RETREG1: variants seen among roughly 807,000 people sequenced by gnomAD.
RETREG1 encodes the protein family with sequence similarity 134 member B.
A neutral mutation model predicts 54.8 loss-of-function variants in RETREG1; 44 were observed. That is an observed-to-expected ratio of 0.80 (90% CI 0.63 to 1.03). The LOEUF is 1.03. RETREG1 is among the 50% of genes least tolerant of loss of function. RETREG1 has a pLI of 0.00. For synonymous variants in RETREG1, 217 were observed against 238.5 expected (o/e 0.91, Z 0.83); for missense variants, 554 against 605.1 (o/e 0.92, Z 0.89).
intron 1 of RETREG1, among the ~76,000 whole-genome samples, chr5:16,610,425 C>T (rs961252357): frequency 6.6e-6 from 1 of 152,214 alleles, no homozygotes; most frequent in Admixed American, 6.5e-5. Flanking sequence ...CCATGGTCTC[C>T]AACCATGGGT....
intron 3 of RETREG1, among the ~76,000 whole-genome samples, chr5:16,541,049 C>T (rs189628274): frequency 6.6e-6 from 1 of 152,332 alleles, no homozygotes; most frequent in East Asian, 1.9e-4. Context: ...CCAGACCTTA[C>T]TCATTTCAGA....
At position 16,475,035 on chromosome 5, in the gene RETREG1, C is replaced by T; in HGVS notation, c.1200G>A (p.Leu400=). 1 of 1,613,876 alleles carries T rather than the reference C, an allele frequency of 6.2e-7. No homozygotes were observed. The stretch of plus-strand genomic sequence containing the variant: ...TCAGGTGAAAGGTTTGGTCACTGTT[C>T]AGAGGAAGGGTGAGACCAGCTGCTG... The part of the protein sequence containing the change: ...TQSAAGLTLP[L]NSDQTFHLMS... Residue 400 remains leucine, a synonymous_variant, in exon 9 of 9, where the codon CTG becomes CTA. Transcript: ENST00000306320.
chr5:16,487,758 C>A (rs989185158), intron 3 of RETREG1, among the ~76,000 whole-genome samples: 1 of 152,196 alleles, frequency 6.6e-6, no homozygotes, highest in Non-Finnish European at 1.5e-5. Flanking sequence ...GTTTTACCTG[C>A]CAGTGAAACT....
chr5:16,596,350 C>A (rs1161286288), intron 1 of RETREG1, among the ~76,000 whole-genome samples: 1 of 152,246 alleles, frequency 6.6e-6, no homozygotes, highest in East Asian at 1.9e-4. Context: ...TTGCTGAAAT[C>A]TGCCACTCCA....
At chr5:16,612,817 C>T (rs905572496) in intron 1 of RETREG1, among the ~76,000 whole-genome samples, 3 of 152,092 alleles carry the variant, frequency 2.0e-5, no homozygotes, top group South Asian at 4.2e-4. Context: ...TGTGCCTGCA[C>T]GTCTCGGATT....
chr5:16,520,433 G>A (rs942732856), intron 3 of RETREG1, among the ~76,000 whole-genome samples: 3 of 152,002 alleles, frequency 2.0e-5, no homozygotes, highest in East Asian at 1.9e-4. Context: ...GCGTTCAAGC[G>A]ATTCTCCTGC....
At chr5:16,536,487 G>A (rs975152265) in intron 3 of RETREG1, among the ~76,000 whole-genome samples, 4 of 151,942 alleles carry the variant, frequency 2.6e-5, no homozygotes, top group Non-Finnish European at 5.9e-5. Flanking sequence ...AGCAGGAATC[G>A]CCAGCCTGGT....
chr5:16,541,616 G>A (rs1741245599), intron 3 of RETREG1, among the ~76,000 whole-genome samples: 1 of 152,042 alleles, frequency 6.6e-6, no homozygotes, highest in African/African-American at 2.4e-5. Flanking sequence ...GAACCCAGGA[G>A]GCAAAGGTTG....
At chr5:16,581,582 C>T (rs1183844606) in intron 1 of RETREG1, among the ~76,000 whole-genome samples, 1 of 151,338 alleles carries the variant, frequency 6.6e-6, no homozygotes, top group Non-Finnish European at 1.5e-5. Context: ...ACACACAGGA[C>T]CACTGGCCCT....
At chr5:16,575,002 T>G (rs1421596189) in intron 1 of RETREG1, among the ~76,000 whole-genome samples, 1 of 152,206 alleles carries the variant, frequency 6.6e-6, no homozygotes, top group Non-Finnish European at 1.5e-5. Flanking sequence ...TTTGCTTGGT[T>G]TGGGGCCAGC....
intron 1 of RETREG1, among the ~76,000 whole-genome samples, chr5:16,608,435 A>C (rs1743254665): frequency 6.6e-6 from 1 of 152,014 alleles, no homozygotes; most frequent in Non-Finnish European, 1.5e-5. Context: ...CTCACCATTA[A>C]CCTCACTTTT....
chr5:16,518,223 A>ATATATT (rs1225144154), intron 3 of RETREG1, among the ~76,000 whole-genome samples: 1 of 147,944 alleles, frequency 6.8e-6, no homozygotes, highest in Admixed American at 6.8e-5. Flanking sequence ...TATATTGACT[A>ATATATT]TATATTTATA....
intron 3 of RETREG1, among the ~76,000 whole-genome samples, chr5:16,492,662 G>A (rs981842579): frequency 2.0e-5 from 3 of 152,074 alleles, no homozygotes; most frequent in Non-Finnish European, 2.9e-5. Flanking sequence ...TCTTAGAAAG[G>A]TCAGTCAGTA....
In RETREG1 at chr5:16,506,652, C is replaced by A. The variant is rs377102336; in HGVS notation, c.459-23180G>T. Among the ~76,000 whole-genome samples, 28 of 152,158 alleles carry A rather than the reference C, an allele frequency of 1.8e-4. 2 individuals are homozygous for A. In the South Asian group the frequency reaches 3.7e-3, roughly 20 times the overall value. On this transcript the variant is annotated intron_variant, in intron 3 of 8. Transcript: ENST00000306320. The stretch of plus-strand genomic sequence containing the variant: ...CCTCCTGCCTTGGCCTTCCAAAGTG[C>A]TGGGATTACAGGTGTGAGCCACGGC...
intron 3 of RETREG1, among the ~76,000 whole-genome samples, chr5:16,521,562 G>A (rs539796681): frequency 6.6e-6 from 1 of 152,316 alleles, no homozygotes; most frequent in South Asian, 2.1e-4. Flanking sequence ...GCAAACGTAA[G>A]GAAGTGGAAA....
intron 3 of RETREG1, among the ~76,000 whole-genome samples, chr5:16,492,229 T>TCTCCCACA (rs1406702350): frequency 9.0e-6 from 1 of 110,570 alleles, no homozygotes; most frequent in Non-Finnish European, 2.0e-5. Context: ...TCTCTCTCTC[T>TCTCCCACA]CACACACACA....
intron 1 of RETREG1, among the ~76,000 whole-genome samples, chr5:16,582,614 C>T (rs1233001616): frequency 1.3e-5 from 2 of 148,356 alleles, no homozygotes; most frequent in African/African-American, 5.0e-5. Context: ...GAGAAAGTTT[C>T]GAAACTGTCA....
At chr5:16,490,240 C>T (rs113632536) in intron 3 of RETREG1, among the ~76,000 whole-genome samples, 2,544 of 152,240 alleles carry the variant, frequency 0.017, 76 homozygotes, top group African/African-American at 0.058. Flanking sequence ...AGCCAGTTCC[C>T]TTGTGCCTTA....
chr5:16,540,652 C>A (rs1741213237), intron 3 of RETREG1, among the ~76,000 whole-genome samples: 1 of 152,134 alleles, frequency 6.6e-6, no homozygotes, highest in African/African-American at 2.4e-5. Context: ...GTGTCTATTC[C>A]ATCCTAACAC....
Sources: gnomAD v4.1 joint callset for allele counts (sites outside exome capture counted in the v4.1 genomes callset) on GRCh38, gnomAD v4.1.1 for gene constraint, MANE v1.5 for transcripts, NCBI Gene and HGNC (gene_info 2026-07-23, HGNC 2026-07-21) for gene names.